ATP8B4: variants seen among roughly 807,000 people sequenced by gnomAD.
ATP8B4 encodes probable phospholipid-transporting ATPase IM.
ATP8B4 carries 133 observed loss-of-function variants against 145.6 expected under a neutral mutation model. That is an observed-to-expected ratio of 0.91 (90% CI 0.79 to 1.05). The LOEUF (loss-of-function observed/expected upper bound fraction) is 1.05, where lower values mean the gene tolerates loss of function less well. Among genes scored for constraint, ATP8B4 ranks in the 50% least tolerant of loss-of-function variants. The pLI, the probability that ATP8B4 is intolerant of heterozygous loss-of-function variation, is 0.00. For synonymous variants in ATP8B4, 507 were observed against 492.9 expected (o/e 1.03, Z -0.38); for missense variants, 1,458 against 1,425.2 (o/e 1.02, Z -0.37).
At chr15:49,901,065 A>C (rs1458446443) in intron 21 of ATP8B4, 27 bp downstream of exon 21, 1 of 1,603,714 alleles carries the variant, frequency 6.2e-7, no homozygotes, top group Non-Finnish European at 8.5e-7. Flanking sequence ...AAGAAAAAGA[A>C]AGGACAAAAA....
chr15:49,907,135 C>T (rs946019111), intron 20 of ATP8B4, among the ~76,000 whole-genome samples: 1 of 152,118 alleles, frequency 6.6e-6, no homozygotes, highest in African/African-American at 2.4e-5. Flanking sequence ...GGAACACAGA[C>T]GTGGGAAGTG....
chr15:49,983,915 A>G (rs2046374822), intron 10 of ATP8B4, among the ~76,000 whole-genome samples: 1 of 152,208 alleles, frequency 6.6e-6, no homozygotes, highest in African/African-American at 2.4e-5. Flanking sequence ...CTTGAGATTA[A>G]TGCCTCTTTC....
rs1321226968 is a variant in ATP8B4 at position 50,085,970 on chromosome 15, TG to T, written c.29-11786del. Among the ~76,000 whole-genome samples the T allele has an allele frequency of 3.4e-4, 30 of 89,228 alleles. 3 individuals carry two copies. Among genetic ancestry groups the T allele is most frequent in the African/African-American group, 1.9e-3 (29 of 15,666 alleles). 58.5% of individuals were successfully genotyped at this position (89,228 alleles called of 152,430 possible). On this transcript the variant is annotated intron_variant, in intron 2 of 27. Coordinates refer to ENST00000284509, the MANE Select transcript of ATP8B4 (RefSeq NM_024837.4). ...GATATATATCATATATATTTATATA[TG>T]ATATATCAAATATATCATATATATT...
chr15:50,040,891 T>C (rs948309991), intron 5 of ATP8B4, among the ~76,000 whole-genome samples: 1 of 152,246 alleles, frequency 6.6e-6, no homozygotes, highest in Non-Finnish European at 1.5e-5. Flanking sequence ...ATTCATTGTG[T>C]ACTCCCTGTG....
At chr15:49,943,991 G>T (rs2042371684) in intron 14 of ATP8B4, among the ~76,000 whole-genome samples, 1 of 152,096 alleles carries the variant, frequency 6.6e-6, no homozygotes. Flanking sequence ...GATTTAACTT[G>T]TTATCAACTT....
At chr15:50,055,098 T>C (rs1438669590) in intron 3 of ATP8B4, among the ~76,000 whole-genome samples, 1 of 152,154 alleles carries the variant, frequency 6.6e-6, no homozygotes, top group African/African-American at 2.4e-5. Flanking sequence ...TCTATTGCAT[T>C]CCAATCTGGA....
intron 2 of ATP8B4, among the ~76,000 whole-genome samples, chr15:50,100,904 A>C (rs2056313697): frequency 6.6e-6 from 1 of 152,222 alleles, no homozygotes; most frequent in African/African-American, 2.4e-5. Context: ...TTAACTAATT[A>C]ATGTGTCAAT....
intron 25 of ATP8B4, among the ~76,000 whole-genome samples, chr15:49,872,255 G>A (rs956309104): frequency 6.6e-6 from 1 of 152,152 alleles, no homozygotes; most frequent in African/African-American, 2.4e-5. Flanking sequence ...TTGTCACTGT[G>A]TGATCTTGGG....
At chr15:50,165,018 T>C (rs562096845) in intron 1 of ATP8B4, among the ~76,000 whole-genome samples, 2 of 152,292 alleles carry the variant, frequency 1.3e-5, no homozygotes, top group South Asian at 4.1e-4. Flanking sequence ...CAAGAGTGTC[T>C]TTCCTACCCT....
At chr15:49,897,903 T>C (rs893885368) in intron 22 of ATP8B4, among the ~76,000 whole-genome samples, 165 bp downstream of exon 22, 18 of 152,226 alleles carry the variant, frequency 1.2e-4, no homozygotes, top group African/African-American at 4.3e-4. Flanking sequence ...GAAATTTTGT[T>C]ACGAATACTA....
At chr15:49,874,846 T>C (rs2034160535) in intron 25 of ATP8B4, among the ~76,000 whole-genome samples, 1 of 152,106 alleles carries the variant, frequency 6.6e-6, no homozygotes, top group African/African-American at 2.4e-5. Context: ...AAAGTAGAAA[T>C]GTGATTTCAA....
At chr15:49,920,121 G>A in intron 18 of ATP8B4, 125 bp downstream of exon 18, 2 of 1,238,570 alleles carry the variant, frequency 1.6e-6, no homozygotes, top group East Asian at 2.3e-5. Flanking sequence ...GCATGATTCA[G>A]TGATTGAAAG....
chr15:50,120,612 T>C (rs1365983527), upstream of ATP8B4, among the ~76,000 whole-genome samples: 2 of 152,194 alleles, frequency 1.3e-5, no homozygotes, highest in African/African-American at 4.8e-5. Flanking sequence ...GAAATGTGTA[T>C]GTGTTTTTAT....
chr15:49,892,174 C>A (rs1318493980), intron 23 of ATP8B4, among the ~76,000 whole-genome samples: 6 of 150,744 alleles, frequency 4.0e-5, no homozygotes, highest in African/African-American at 1.5e-4. Flanking sequence ...AATTTATAAT[C>A]TGGGTTTCAG....
At chr15:49,990,376 G>A (rs1320204300) in intron 9 of ATP8B4, among the ~76,000 whole-genome samples, 2 of 152,124 alleles carry the variant, frequency 1.3e-5, no homozygotes, top group Admixed American at 6.6e-5. Flanking sequence ...ATACATGTTT[G>A]GAGCACAAAG....
Position 50,010,834 on chromosome 15 carries a change from T to G in ATP8B4, c.435+11A>C. 1.3e-6 allele frequency: 2 copies of G among 1,501,420 alleles called. No homozygotes were observed. The highest frequency in any genetic ancestry group is 1.8e-6 in the Non-Finnish European group (2 of 1,111,468). The allele number at this position is 1,501,420 out of a possible 1,614,324, so 93.0% of individuals were successfully genotyped here. On this transcript the variant is annotated intron_variant, in intron 7 of 27. Transcript: ENST00000284509. ...CTGAGATAAATTATTCAAACAATAT[T>G]GAATACTTACAGCAACAAATTGGTT...
intron 25 of ATP8B4, among the ~76,000 whole-genome samples, chr15:49,871,290 T>C (rs1441448779): frequency 6.6e-6 from 1 of 152,226 alleles, no homozygotes; most frequent in Admixed American, 6.5e-5. Context: ...TTACGCTCAG[T>C]ATAAGGTTTG....
chr15:49,877,045 A>G (rs958836640), intron 24 of ATP8B4, among the ~76,000 whole-genome samples: 1 of 152,186 alleles, frequency 6.6e-6, no homozygotes, highest in Non-Finnish European at 1.5e-5. Flanking sequence ...AAAAGGGGAA[A>G]CTGCATTTGG....
chr15:50,099,311 A>G (rs1403583587), intron 2 of ATP8B4, among the ~76,000 whole-genome samples: 1 of 152,150 alleles, frequency 6.6e-6, no homozygotes, highest in Non-Finnish European at 1.5e-5. Flanking sequence ...ACTAGGTCCC[A>G]GTCTGTCACT....
Sources: gnomAD v4.1 joint callset for allele counts (sites outside exome capture counted in the v4.1 genomes callset) on GRCh38, gnomAD v4.1.1 for gene constraint, MANE v1.5 for transcripts, NCBI Gene and HGNC (gene_info 2026-07-23, HGNC 2026-07-21) for gene names.